Variants in SLC25A21 observed in about 807,000 individuals in gnomAD.
The protein encoded by SLC25A21 is mitochondrial 2-oxodicarboxylate carrier.
Under a neutral mutation model 43.8 loss-of-function variants are expected in SLC25A21, and 47 were observed. The ratio of observed to expected loss-of-function variants is 1.07; its 90% CI spans 0.85 to 1.37. The LOEUF (loss-of-function observed/expected upper bound fraction) is 1.37. Among genes scored for constraint, SLC25A21 ranks in the 40% most tolerant of loss-of-function variants. The pLI is 0.00. For synonymous variants in SLC25A21, 131 were observed against 121.3 expected, an observed-to-expected ratio of 1.08 and a Z score of -0.52; for missense variants, 352 against 350.2, an observed-to-expected ratio of 1.00 and a Z score of -0.04.
intron 1 of SLC25A21, among the ~76,000 whole-genome samples, chr14:36,938,375 T>A (rs575956020): frequency 1.3e-5 from 2 of 152,222 alleles, no homozygotes; most frequent in African/African-American, 4.8e-5. Flanking sequence ...CATTGCAGGA[T>A]GACACAGCTC....
chr14:37,062,538 GAGT>G (rs963659311), intron 1 of SLC25A21, among the ~76,000 whole-genome samples: 7 of 152,124 alleles, frequency 4.6e-5, no homozygotes, highest in Non-Finnish European at 1.0e-4. Flanking sequence ...AGAGCAGTAT[GAGT>G]AGAAGACTTG....
At chr14:36,811,684 A>C (rs1888273724) in intron 3 of SLC25A21, among the ~76,000 whole-genome samples, 1 of 152,168 alleles carries the variant, frequency 6.6e-6, no homozygotes, top group Non-Finnish European at 1.5e-5. Flanking sequence ...CAAAACAAAA[A>C]AAGGCAGCAT....
intron 3 of SLC25A21, among the ~76,000 whole-genome samples, chr14:36,810,301 A>G (rs894938822): frequency 3.3e-5 from 5 of 152,184 alleles, no homozygotes; most frequent in Admixed American, 1.3e-4. Flanking sequence ...AGAAGCAGAA[A>G]CATCAAATTC....
intron 3 of SLC25A21, among the ~76,000 whole-genome samples, chr14:36,735,102 G>A (rs17105162): frequency 0.024 from 3,588 of 152,224 alleles, 164 homozygotes; most frequent in African/African-American, 0.082. Context: ...TAATTTTCAG[G>A]CTTCCTTGAT....
chr14:36,678,092 A>G lies in SLC25A21; in HGVS notation c.*2566T>C, dbSNP rs1032519704. 1.6e-5 allele frequency: 3 copies of G among 185,114 alleles called. No homozygotes were observed. Among genetic ancestry groups the G allele is most frequent in the Admixed American group, 5.9e-5 (1 of 17,066 alleles). The allele number at this position is 185,114 out of a possible 1,614,324, so 11.5% of individuals were successfully genotyped here. On this transcript the variant is annotated 3_prime_UTR_variant, in exon 10 of 10. Coordinates refer to ENST00000331299, the MANE Select transcript of SLC25A21 (RefSeq NM_030631.4). ...TAACTAAAAGAGCACCTCACTGGAT[A>G]TGGATGTTGAAGATGGATTCCCTAG... is the stretch of plus-strand genomic sequence containing the variant.
intron 1 of SLC25A21, among the ~76,000 whole-genome samples, chr14:36,938,835 A>G (rs1311638440): frequency 6.6e-6 from 1 of 152,062 alleles, no homozygotes; most frequent in Non-Finnish European, 1.5e-5. Flanking sequence ...TAAATTAGTA[A>G]AAAAACAAAA....
intron 1 of SLC25A21, among the ~76,000 whole-genome samples, chr14:37,011,931 C>T (rs1276230355): frequency 6.6e-6 from 1 of 152,160 alleles, no homozygotes; most frequent in African/African-American, 2.4e-5. Context: ...CACCACTTAG[C>T]TCTTAGCTTT....
intron 1 of SLC25A21, among the ~76,000 whole-genome samples, chr14:36,939,981 T>C (rs992647126): frequency 2.0e-5 from 3 of 152,168 alleles, no homozygotes; most frequent in Non-Finnish European, 4.4e-5. Context: ...TCGTCGTCAA[T>C]AGCAGTCTGC....
intron 3 of SLC25A21, among the ~76,000 whole-genome samples, chr14:36,782,779 A>G (rs1378265207): frequency 7.8e-6 from 1 of 127,580 alleles, no homozygotes; most frequent in East Asian, 2.7e-4. Flanking sequence ...AGGAAGGGGA[A>G]TATCACACTC....
chr14:36,798,040 CTAAA>C (rs1368022996), intron 3 of SLC25A21, among the ~76,000 whole-genome samples: 2 of 152,078 alleles, frequency 1.3e-5, no homozygotes, highest in Admixed American at 6.6e-5. Flanking sequence ...TGTTGAAATC[CTAAA>C]TAAATGATGG....
intron 1 of SLC25A21, among the ~76,000 whole-genome samples, chr14:36,877,669 T>G (rs1890580803): frequency 6.6e-6 from 1 of 151,014 alleles, no homozygotes; most frequent in East Asian, 2.0e-4. Context: ...AGGTGAGGGG[T>G]AGGGAAGGGA....
chr14:36,822,032 A>G (rs374533179), intron 2 of SLC25A21, among the ~76,000 whole-genome samples: 1 of 152,162 alleles, frequency 6.6e-6, no homozygotes, highest in Non-Finnish European at 1.5e-5. Flanking sequence ...GGGGGCCCCA[A>G]AGATGAATAA....
At chr14:36,760,388 G>GC (rs1242305846) in intron 3 of SLC25A21, among the ~76,000 whole-genome samples, 1 of 146,978 alleles carries the variant, frequency 6.8e-6, no homozygotes, top group East Asian at 2.0e-4. Flanking sequence ...AGGAAGGAAG[G>GC]AAGGCAGGCC....
intron 5 of SLC25A21, among the ~76,000 whole-genome samples, chr14:36,727,733 G>C (rs1223697989): frequency 6.6e-6 from 1 of 151,856 alleles, no homozygotes; most frequent in Non-Finnish European, 1.5e-5. Context: ...GAAAGAAATT[G>C]CATACAGATT....
intron 2 of SLC25A21, among the ~76,000 whole-genome samples, chr14:36,826,268 T>C (rs1888828989): frequency 6.6e-6 from 1 of 152,214 alleles, no homozygotes. Context: ...TGGGGACCTC[T>C]TGAATGGGAA....
rs370257964 is a variant in SLC25A21 at position 37,016,493 on chromosome 14, T to C, written c.71-141489A>G. The stretch of plus-strand genomic sequence containing the variant: ...AGGTAGCGTGATGCCTCCAGCTTTG[T>C]TCTTTTGGCTTAGGATTGACTTGGC... On this transcript the variant is annotated intron_variant, in intron 1 of 9. Coordinates refer to ENST00000331299, the MANE Select transcript of SLC25A21 (RefSeq NM_030631.4). Among the ~76,000 whole-genome samples the C allele has an allele frequency of 1.1e-4, 17 of 152,298 alleles. No homozygotes were observed. In the East Asian group the frequency reaches 1.7e-3, roughly 16 times the overall value.
intron 3 of SLC25A21, among the ~76,000 whole-genome samples, chr14:36,758,748 G>C (rs1162168374): frequency 2.0e-5 from 3 of 152,116 alleles, no homozygotes; most frequent in African/African-American, 4.8e-5. Context: ...ATAGGGACCT[G>C]AAAGCCTCTT....
intron 1 of SLC25A21, among the ~76,000 whole-genome samples, chr14:36,893,325 C>T (rs1415132724): frequency 1.3e-5 from 2 of 152,104 alleles, no homozygotes. Flanking sequence ...TTTCATGTGT[C>T]TGTTGGCTGC....
At chr14:36,723,042 C>G (rs1244644623) in intron 6 of SLC25A21, among the ~76,000 whole-genome samples, 1 of 152,152 alleles carries the variant, frequency 6.6e-6, no homozygotes, top group East Asian at 1.9e-4. Context: ...TAAATCAACA[C>G]AGGCACAGGT....
Sources: allele counts gnomAD v4.1 joint callset (sites outside exome capture counted in the v4.1 genomes callset), GRCh38; gene constraint gnomAD v4.1.1; transcripts MANE v1.5; gene names NCBI Gene and HGNC (gene_info 2026-07-23, HGNC 2026-07-21).